The following TRABD2B variants were observed in gnomAD, a reference collection of about 807,000 sequenced individuals.
TRABD2B encodes TraB domain containing 2B.
TRABD2B carries 14 observed loss-of-function variants against 40.1 expected under a neutral mutation model. The ratio of observed to expected loss-of-function variants is 0.35; its 90% CI spans 0.23 to 0.55. The LOEUF (loss-of-function observed/expected upper bound fraction) is 0.55, where lower values mean the gene tolerates loss of function less well. Ranked by LOEUF, TRABD2B falls within the 20% of genes least tolerant of loss-of-function variation. The pLI, the probability that TRABD2B is intolerant of heterozygous loss-of-function variation, is 0.90. For missense variants in TRABD2B, 541 were observed against 648.6 expected, an observed-to-expected ratio of 0.83 and a Z score of 1.80; for synonymous variants, 263 against 277.0, an observed-to-expected ratio of 0.95 and a Z score of 0.50.
At chr1:47,801,184 C>A (rs190205402) in intron 3 of TRABD2B, among the ~76,000 whole-genome samples, 2 of 152,168 alleles carry the variant, frequency 1.3e-5, no homozygotes, top group Non-Finnish European at 2.9e-5. Context: ...TAGAACTGAA[C>A]CTCTGAGGCC....
intron 2 of TRABD2B, among the ~76,000 whole-genome samples, chr1:47,812,136 T>TGGA (rs1644973445): frequency 6.6e-6 from 1 of 152,200 alleles, no homozygotes; most frequent in Non-Finnish European, 1.5e-5. Context: ...TTTCTATTCT[T>TGGA]CAGTAACTAC....
At chr1:47,955,166 T>TGAA (rs1397091761) in intron 2 of TRABD2B, among the ~76,000 whole-genome samples, 1 of 152,184 alleles carries the variant, frequency 6.6e-6, no homozygotes, top group Admixed American at 6.5e-5. Context: ...GGCTTTTTCC[T>TGAA]TCATGACATT....
intron 2 of TRABD2B, among the ~76,000 whole-genome samples, chr1:47,865,038 G>A (rs1644035387): frequency 6.6e-6 from 1 of 152,006 alleles, no homozygotes; most frequent in South Asian, 2.1e-4. Flanking sequence ...GGGTGGGGTG[G>A]GGTAATCTCC....
chr1:47,777,938 G>A (rs1007136744), intron 5 of TRABD2B, among the ~76,000 whole-genome samples: 3 of 152,204 alleles, frequency 2.0e-5, no homozygotes, highest in Non-Finnish European at 2.9e-5. Flanking sequence ...ATGGCCATTA[G>A]TGGCTATTTG....
At position 47,911,828 on chromosome 1, in the gene TRABD2B, C is replaced by T. The variant is rs368611316; in HGVS notation, c.666+82206G>A. Reference sequence around the variant, plus strand: ...CTTATTCATAAATCATTAAGAATTACATAACAGCAACAGCAGAAGATGAAA... The same window carrying T: ...CTTATTCATAAATCATTAAGAATTATATAACAGCAACAGCAGAAGATGAAA... On this transcript the variant is annotated intron_variant, in intron 2 of 6. Transcript: ENST00000606738. Among the ~76,000 whole-genome samples the T allele has an allele frequency of 1.4e-4, 21 of 152,338 alleles. No individual in the cohort carries two copies. The East Asian group carries it at 3.5e-3, about 25-fold the overall frequency.
At chr1:47,932,503 G>A (rs991914788) in intron 2 of TRABD2B, among the ~76,000 whole-genome samples, 1 of 152,198 alleles carries the variant, frequency 6.6e-6, no homozygotes, top group Non-Finnish European at 1.5e-5. Context: ...TGGAGTCAAG[G>A]GAGTTGTTTC....
At chr1:47,793,052 C>T (rs1403718325) in intron 4 of TRABD2B, among the ~76,000 whole-genome samples, 1 of 152,106 alleles carries the variant, frequency 6.6e-6, no homozygotes, top group Non-Finnish European at 1.5e-5. Flanking sequence ...CCAGCAGGTG[C>T]CCTGCGGCTG....
chr1:47,827,262 A>C (rs1645188816), intron 2 of TRABD2B, among the ~76,000 whole-genome samples: 1 of 152,230 alleles, frequency 6.6e-6, no homozygotes, highest in South Asian at 2.1e-4. Flanking sequence ...GGGCTCCGGA[A>C]ACATGAATGC....
rs186860816 is a variant in TRABD2B at position 47,861,493 on chromosome 1, A to G, written c.667-59874T>C. The stretch of plus-strand genomic sequence containing the variant: ...CATGGACATTAAATGGAAAATAATA[A>G]GACACAACTTGATAACCTAGATAAA... On this transcript the variant is annotated intron_variant, in intron 2 of 6. Coordinates refer to ENST00000606738, the MANE Select transcript of TRABD2B (RefSeq NM_001194986.2). Among the ~76,000 whole-genome samples, 38 of 152,324 alleles carry G rather than the reference A, an allele frequency of 2.5e-4. No individual in the cohort carries two copies. In the East Asian group the frequency reaches 6.9e-3, roughly 28 times the overall value.
chr1:47,782,809 T>G (rs2124125961), intron 4 of TRABD2B, among the ~76,000 whole-genome samples: 1 of 152,294 alleles, frequency 6.6e-6, no homozygotes, highest in East Asian at 1.9e-4. Flanking sequence ...ACACCTATCC[T>G]GGAACCTGCA....
intron 2 of TRABD2B, among the ~76,000 whole-genome samples, chr1:47,913,385 A>T (rs1170847288): frequency 1.3e-5 from 2 of 152,086 alleles, no homozygotes; most frequent in Non-Finnish European, 2.9e-5. Context: ...CTTGGGCGCG[A>T]CCTAAGTGTG....
chr1:47,886,040 G>C (rs1312677661), intron 2 of TRABD2B, among the ~76,000 whole-genome samples: 2 of 152,272 alleles, frequency 1.3e-5, no homozygotes, highest in Admixed American at 1.3e-4. Context: ...AAGAATATAG[G>C]AAGTGAGATA....
chr1:47,957,041 A>G (rs1332353551), intron 2 of TRABD2B, among the ~76,000 whole-genome samples: 1 of 152,238 alleles, frequency 6.6e-6, no homozygotes, highest in Non-Finnish European at 1.5e-5. Context: ...AACATTTGCC[A>G]TTCTGCAAGA....
chr1:47,941,736 A>C (rs1390977), intron 2 of TRABD2B, among the ~76,000 whole-genome samples: 146,191 of 152,328 alleles, frequency 0.96, 70,466 homozygotes, highest in Non-Finnish European at 1. Context: ...GATGGCTTGG[A>C]AGCTCAGAGG....
At chr1:47,777,614 G>T (rs1569900143) in intron 5 of TRABD2B, among the ~76,000 whole-genome samples, 1 of 152,238 alleles carries the variant, frequency 6.6e-6, no homozygotes, top group Non-Finnish European at 1.5e-5. Flanking sequence ...CTGTTATGCA[G>T]ATTAAATGAG....
In TRABD2B at chr1:47,841,062, T is replaced by C. The variant is rs1048421727; in HGVS notation, c.667-39443A>G. Among the ~76,000 whole-genome samples the C allele has an allele frequency of 2.6e-5, 4 of 152,286 alleles. No homozygotes were observed. The South Asian group carries it at 6.2e-4, about 24-fold the overall frequency. ...CCTTGGGCAACACTGACAGTGTCCT[T>C]GCCATCACCACTGCTGTTACTAAAA... On this transcript the variant is annotated intron_variant, in intron 2 of 6. Transcript: ENST00000606738.
chr1:47,938,194 C>G (rs902397865), intron 2 of TRABD2B, among the ~76,000 whole-genome samples: 6 of 152,142 alleles, frequency 3.9e-5, no homozygotes, highest in African/African-American at 1.4e-4. Context: ...TTAGCAGGAC[C>G]CTTCTCTCTT....
chr1:47,847,933 T>C (rs964771560), intron 2 of TRABD2B, among the ~76,000 whole-genome samples: 2 of 152,218 alleles, frequency 1.3e-5, no homozygotes, highest in Non-Finnish European at 2.9e-5. Flanking sequence ...TAATTTTCCT[T>C]TATTAATGAC....
intron 2 of TRABD2B, among the ~76,000 whole-genome samples, chr1:47,950,801 G>A (rs1645331800): frequency 6.6e-6 from 1 of 152,198 alleles, no homozygotes; most frequent in African/African-American, 2.4e-5. Context: ...CTCCCTATGT[G>A]AACTTGGCAA....
Sources: gnomAD v4.1 joint callset for allele counts (sites outside exome capture counted in the v4.1 genomes callset) on GRCh38, gnomAD v4.1.1 for gene constraint, MANE v1.5 for transcripts, NCBI Gene and HGNC (gene_info 2026-07-23, HGNC 2026-07-21) for gene names.